Variants in ANKRD55 observed in about 807,000 individuals in gnomAD.
ANKRD55 encodes the protein ankyrin repeat domain-containing protein 55.
In ANKRD55, 41 loss-of-function variants were observed where a neutral mutation model predicts 60.6. The ratio of observed to expected loss-of-function variants is 0.68; its 90% CI spans 0.53 to 0.88. The LOEUF is 0.88. Among genes scored for constraint, ANKRD55 ranks in the 40% least tolerant of loss-of-function variants. The pLI, the probability that ANKRD55 is intolerant of heterozygous loss-of-function variation, is 0.00. For missense variants in ANKRD55, 732 were observed against 767.6 expected (o/e 0.95, Z 0.55); for synonymous variants, 264 against 290.3 (o/e 0.91, Z 0.92).
Position 56,100,158 on chromosome 5 carries a change from C to T in ANKRD55, c.*25G>A, listed in dbSNP as rs774173234. On this transcript the variant is annotated 3_prime_UTR_variant, in exon 12 of 12. Transcript: ENST00000341048. Reference sequence around the variant, plus strand: ...AGAGTTGAAAATACATATTCATCTACATTTCTGCAGCGAGTGGCCCACAGT... The same window carrying T: ...AGAGTTGAAAATACATATTCATCTATATTTCTGCAGCGAGTGGCCCACAGT... 1.2e-6 allele frequency: 2 copies of T among 1,614,060 alleles called. No individual in the cohort carries two copies. Among genetic ancestry groups the T allele is most frequent in the Non-Finnish European group, 1.7e-6 (2 of 1,179,970 alleles).
chr5:56,119,259 G>A (rs763933752), intron 8 of ANKRD55, among the ~76,000 whole-genome samples: 1 of 152,200 alleles, frequency 6.6e-6, no homozygotes, highest in Non-Finnish European at 1.5e-5. Flanking sequence ...AGAACAGACT[G>A]CTGATACATG....
At chr5:56,127,324 T>G (rs998531269) in intron 7 of ANKRD55, 8 of 985,378 alleles carry the variant, frequency 8.1e-6, no homozygotes, top group Non-Finnish European at 9.6e-6. Context: ...GAGATTTTTG[T>G]CTCCCACAGG....
chr5:56,206,750 A>G (rs898433202), intron 2 of ANKRD55, among the ~76,000 whole-genome samples: 1 of 152,210 alleles, frequency 6.6e-6, no homozygotes, highest in Non-Finnish European at 1.5e-5. Context: ...AAAGGCCACA[A>G]GAAGGACAAG....
chr5:56,151,222 G>A (rs1364704092), intron 6 of ANKRD55, among the ~76,000 whole-genome samples: 1 of 152,274 alleles, frequency 6.6e-6, no homozygotes. Context: ...ATGTGTCCAT[G>A]TCATAAATAT....
intron 2 of ANKRD55, among the ~76,000 whole-genome samples, chr5:56,202,682 A>T (rs1225112025): frequency 6.6e-6 from 1 of 152,234 alleles, no homozygotes; most frequent in Non-Finnish European, 1.5e-5. Context: ...TTCTGTGGGG[A>T]GGAAGTCTTG....
rs778032307 is a variant in ANKRD55 at position 56,111,349 on chromosome 5, C to T, written c.1399G>A (p.Ala467Thr). The T allele has an allele frequency of 2.6e-5, 42 of 1,614,080 alleles. No homozygotes were observed. In the East Asian group the frequency reaches 9.1e-4, roughly 35 times the overall value. The change falls in exon 10 of 12, where the codon GCC becomes ACC. Residue 467 changes from alanine to threonine, a missense_variant. Coordinates refer to ENST00000341048, the MANE Select transcript of ANKRD55 (RefSeq NM_024669.3). Reference protein sequence around the residue: ...AGLSSAPHHMAQRSQKSRSEQ... With the variant: ...AGLSSAPHHMTQRSQKSRSEQ... ...CTTCGACTTTTCTGAGATCGCTGGG[C>T]CATATGATGAGGAGCAGAGCTCAGG...
intron 2 of ANKRD55, among the ~76,000 whole-genome samples, chr5:56,199,327 T>C (rs1283824867): frequency 2.6e-5 from 4 of 152,084 alleles, no homozygotes; most frequent in Admixed American, 6.6e-5. Context: ...CTACATGAAG[T>C]ATTTTATCAG....
At chr5:56,223,039 G>C (rs1444693744) in intron 2 of ANKRD55, among the ~76,000 whole-genome samples, 2 of 152,130 alleles carry the variant, frequency 1.3e-5, no homozygotes, top group African/African-American at 4.8e-5. Context: ...CCAACTCCAA[G>C]ACACATAATT....
intron 7 of ANKRD55, among the ~76,000 whole-genome samples, chr5:56,142,048 G>T (rs74288193): frequency 6.6e-6 from 1 of 152,156 alleles, no homozygotes; most frequent in African/African-American, 2.4e-5. Flanking sequence ...AGGGATTCCC[G>T]GCTGGGTGCA....
chr5:56,169,315 T>C (rs903913306), intron 5 of ANKRD55, among the ~76,000 whole-genome samples: 1 of 152,170 alleles, frequency 6.6e-6, no homozygotes. Flanking sequence ...AGCAATTACG[T>C]AGAGTAAATT....
intron 2 of ANKRD55, among the ~76,000 whole-genome samples, chr5:56,206,452 T>A (rs962631983): frequency 6.6e-6 from 1 of 152,164 alleles, no homozygotes; most frequent in African/African-American, 2.4e-5. Flanking sequence ...AAAGTGATCA[T>A]TGAAATTTTG....
At chr5:56,113,603 T>C (rs1756803495) in intron 9 of ANKRD55, among the ~76,000 whole-genome samples, 1 of 152,060 alleles carries the variant, frequency 6.6e-6, no homozygotes, top group Non-Finnish European at 1.5e-5. Flanking sequence ...TGTGGTTATG[T>C]AGAGCTAAGT....
chr5:56,120,666 A>C (rs60227963), intron 8 of ANKRD55, among the ~76,000 whole-genome samples: 1 of 152,062 alleles, frequency 6.6e-6, no homozygotes, highest in Non-Finnish European at 1.5e-5. Flanking sequence ...TTGGGAGGCC[A>C]AGGCAGGCGG....
At chr5:56,132,507 C>T (rs968546229) in intron 7 of ANKRD55, among the ~76,000 whole-genome samples, 22 of 147,704 alleles carry the variant, frequency 1.5e-4, no homozygotes, top group Non-Finnish European at 2.5e-4. Context: ...AGGAGAATGG[C>T]GTGAACCTGA....
At chr5:56,113,840 G>C (rs928944517) in intron 9 of ANKRD55, among the ~76,000 whole-genome samples, 1 of 151,746 alleles carries the variant, frequency 6.6e-6, no homozygotes. Context: ...AGTAGAGATG[G>C]GGTTTTGCCA....
In ANKRD55 at chr5:56,170,692, A is replaced by G; in HGVS notation, c.422+2T>C. ...GAGCATCATGTAAACCTGGCCACTT[A>G]CCTCATATCGGGCTCAGCAGTGGCA... On this transcript the variant is annotated splice_donor_variant, in intron 5 of 11. Coordinates refer to ENST00000341048, the MANE Select transcript of ANKRD55 (RefSeq NM_024669.3). LOFTEE classifies it high-confidence loss of function. The G allele has an allele frequency of 6.2e-7, 1 of 1,613,602 alleles. No homozygotes were observed. The highest frequency in any genetic ancestry group is 8.5e-7 in the Non-Finnish European group (1 of 1,179,594).
intron 5 of ANKRD55, among the ~76,000 whole-genome samples, chr5:56,161,583 C>T (rs184824619): frequency 2.6e-5 from 4 of 152,210 alleles, no homozygotes; most frequent in Non-Finnish European, 5.9e-5. Flanking sequence ...TGGTTATTTG[C>T]GGTGGAGGTG....
chr5:56,181,621 C>G (rs755633000), intron 3 of ANKRD55, among the ~76,000 whole-genome samples: 1 of 152,102 alleles, frequency 6.6e-6, no homozygotes. Flanking sequence ...GATAGAGTCT[C>G]GCTCTGTCAC....
chr5:56,193,034 G>T, intron 2 of ANKRD55: 4 of 983,806 alleles, frequency 4.1e-6, no homozygotes, highest in Non-Finnish European at 4.4e-6. Flanking sequence ...AGAAGATGCT[G>T]ATTGGTTTTT....
Sources: allele counts gnomAD v4.1 joint callset (sites outside exome capture counted in the v4.1 genomes callset), GRCh38; gene constraint gnomAD v4.1.1; transcripts MANE v1.5; gene names NCBI Gene and HGNC (gene_info 2026-07-23, HGNC 2026-07-21).